Variants in YJEFN3 observed in about 807,000 individuals in gnomAD.
YJEFN3 encodes the protein yjeF N-terminal domain-containing protein 3.
In YJEFN3, 29 loss-of-function variants were observed where a neutral mutation model predicts 31.5. The observed-to-expected ratio is 0.92, with a 90% CI of 0.69 to 1.26. The LOEUF is 1.26. YJEFN3 is among the 50% of genes most tolerant of loss of function. YJEFN3 has a pLI of 0.00. For missense variants in YJEFN3, 442 were observed against 425.4 expected (o/e 1.04, Z -0.34); for synonymous variants, 227 against 196.1 (o/e 1.16, Z -1.32).
At chr19:19,537,252 G>T in intron 6 of YJEFN3, 67 bp from the exon 7 acceptor site, 1 of 1,421,094 alleles carries the variant, frequency 7.0e-7, no homozygotes, top group Middle Eastern at 1.8e-4. Flanking sequence ...GCAGGGACAG[G>T]ATGGACTCTA....
chr19:19,531,580 C>T lies in YJEFN3; in HGVS notation c.210-1052C>T, dbSNP rs140829036. ...ACAGGTGTCCACCACCACGCCCAGC[C>T]TAGTCTGACCAATTGTGTAGGTCAC... On this transcript the variant is annotated intron_variant, in intron 2 of 6. Coordinates refer to ENST00000514277, the MANE Select transcript of YJEFN3 (RefSeq NM_198537.4). Among the ~76,000 whole-genome samples the T allele has an allele frequency of 1.1e-3, 165 of 152,186 alleles. 1 individual carries two copies. The highest frequency in any genetic ancestry group is 3.7e-3 in the African/African-American group (153 of 41,512).
chr19:19,535,369 C>A lies in YJEFN3; in HGVS notation c.462C>A (p.Arg154=), dbSNP rs778164317. The A allele has an allele frequency of 9.3e-6, 15 of 1,613,906 alleles. No homozygotes were observed. ...AACCCACCATCTTCTACCCCACACG[C>A]TCGCTGGACCTGCTGCATCGGGACC... The part of the protein sequence containing the change: ...EYEPTIFYPT[R]SLDLLHRDLT... The change falls in exon 5 of 7, where the codon CGC becomes CGA. Residue 154 remains arginine, a synonymous_variant. Coordinates refer to ENST00000514277, the MANE Select transcript of YJEFN3 (RefSeq NM_198537.4).
intron 1 of YJEFN3, 68 bp downstream of exon 1, chr19:19,529,059 C>T (rs1031647919): frequency 2.6e-6 from 4 of 1,538,494 alleles, no homozygotes; most frequent in East Asian, 2.5e-5. Flanking sequence ...CCCGTAGGAC[C>T]GGAGGCAGGG....
intron 2 of YJEFN3, among the ~76,000 whole-genome samples, chr19:19,530,086 G>C (rs1600357419): frequency 6.6e-6 from 1 of 152,192 alleles, no homozygotes; most frequent in African/African-American, 2.4e-5. Context: ...GTAGGACTGA[G>C]AGCAGGGTGA....
rs761792481 is a variant in YJEFN3, at chr19:19,535,292, G to T, written c.430-45G>T. On this transcript the variant is annotated intron_variant, in intron 4 of 6. Coordinates refer to ENST00000514277, the MANE Select transcript of YJEFN3 (RefSeq NM_198537.4). ...TTGTCCCAGGCAGGGTCTGGTGCTG[G>T]TGACCAGGTCAGGGGAGTCTGACCC... is the stretch of plus-strand genomic sequence containing the variant. 7.6e-6 allele frequency: 12 copies of T among 1,585,278 alleles called. No homozygotes were observed. The South Asian group carries it at 1.3e-4, about 18-fold the overall frequency.
intron 2 of YJEFN3, among the ~76,000 whole-genome samples, 182 bp from the exon 3 acceptor site, chr19:19,532,450 A>G (rs1271530615): frequency 6.6e-6 from 1 of 151,414 alleles, no homozygotes; most frequent in African/African-American, 2.4e-5. Flanking sequence ...CCTCGATTCA[A>G]CCCGCGCGTC....
In YJEFN3 at chr19:19,534,054, G is replaced by T; in HGVS notation, c.319-980G>T. On this transcript the variant is annotated intron_variant, in intron 3 of 6. Transcript: ENST00000514277. The surrounding 1 kb of genome is among the most constrained non-coding windows in gnomAD (Gnocchi z 4.6). Reference sequence around the variant, plus strand: ...GGCTCAAGAGACACCCAGAGTGCCTGTCAGGCGGTGGCACTGTCATCGCAT... The same window carrying T: ...GGCTCAAGAGACACCCAGAGTGCCTTTCAGGCGGTGGCACTGTCATCGCAT... 1.0e-6 allele frequency: 1 copy of T among 985,598 alleles called. No homozygotes were observed. Among genetic ancestry groups the T allele is most frequent in the Non-Finnish European group, 1.2e-6 (1 of 830,020 alleles). The allele number at this position is 985,598 out of a possible 1,614,324, so 61.1% of individuals were successfully genotyped here. A position where few individuals can be genotyped will look rare whatever the true frequency, so the allele number is the denominator to read the frequency against.
In YJEFN3 at chr19:19,537,312, C is replaced by G; in HGVS notation, c.695-7C>G. The G allele has an allele frequency of 6.3e-7, 1 of 1,583,160 alleles. No individual in the cohort carries two copies. Among genetic ancestry groups the G allele is most frequent in the Non-Finnish European group, 8.5e-7 (1 of 1,170,672 alleles). On this transcript the variant is annotated splice_polypyrimidine_tract_variant and splice_region_variant and intron_variant, in intron 6 of 6. Coordinates refer to ENST00000514277, the MANE Select transcript of YJEFN3 (RefSeq NM_198537.4). ...GTTCCCAATCCCCCCGGACCCTCCTCCCTCAGGCTGGGACGCAGAGACCGG... is the reference window on the plus strand; with the variant it reads ...GTTCCCAATCCCCCCGGACCCTCCTGCCTCAGGCTGGGACGCAGAGACCGG...
Position 19,532,689 on chromosome 19 carries a change from G to A in YJEFN3, c.267G>A (p.Arg89=), listed in dbSNP as rs868414164. ...RELLEDYRFG[R]QQLVELCGHA... ...TGCTGGAGGATTATCGCTTTGGGCG[G>A]CAGCAGCTCGTGGAGCTGTGCGGTC... The change falls in exon 3 of 7, where the codon CGG becomes CGA. Residue 89 remains arginine (R), a synonymous_variant. Coordinates refer to ENST00000514277, the MANE Select transcript of YJEFN3 (RefSeq NM_198537.4). The A allele has an allele frequency of 6.3e-7, 1 of 1,576,148 alleles. No individual in the cohort carries two copies. The highest frequency in any genetic ancestry group is 8.6e-7 in the Non-Finnish European group (1 of 1,167,142).
Position 19,534,069 on chromosome 19 carries a change from T to A in YJEFN3, c.319-965T>A. 2.0e-6 allele frequency: 2 copies of A among 985,588 alleles called. No homozygotes were observed. Among genetic ancestry groups the A allele is most frequent in the Non-Finnish European group, 2.4e-6 (2 of 830,008 alleles). The allele number at this position is 985,588 out of a possible 1,614,324, so 61.1% of individuals were successfully genotyped here. The stretch of plus-strand genomic sequence containing the variant: ...CAGAGTGCCTGTCAGGCGGTGGCAC[T>A]GTCATCGCATTTGATAAAGGCCAAA... On this transcript the variant is annotated intron_variant, in intron 3 of 6. Coordinates refer to ENST00000514277, the MANE Select transcript of YJEFN3 (RefSeq NM_198537.4). The surrounding 1 kb of genome is among the most constrained non-coding windows in gnomAD (Gnocchi z 4.6).
At chr19:19,529,290 G>T in intron 1 of YJEFN3, 74 bp from the exon 2 acceptor site, 1 of 1,516,956 alleles carries the variant, frequency 6.6e-7, no homozygotes, top group South Asian at 1.3e-5. Context: ...CCTCATGAAT[G>T]ATTCATCAGC....
intron 2 of YJEFN3, among the ~76,000 whole-genome samples, chr19:19,531,584 T>C (rs2061156401): frequency 1.3e-5 from 2 of 152,064 alleles, no homozygotes; most frequent in African/African-American, 4.8e-5. Flanking sequence ...CCCAGCCTAG[T>C]CTGACCAATT....
chr19:19,535,713 G>A (rs1254078757), intron 6 of YJEFN3, 34 bp downstream of exon 6: 1 of 1,541,524 alleles, frequency 6.5e-7, no homozygotes, highest in Admixed American at 2.0e-5. Context: ...ATTGGGGCCT[G>A]GGGGGCTTGG....
At chr19:19,535,214 A>G (rs1193497958) in intron 4 of YJEFN3, 70 bp downstream of exon 4, 1 of 1,519,542 alleles carries the variant, frequency 6.6e-7, no homozygotes, top group Admixed American at 1.8e-5. Flanking sequence ...TTCTTTTGAT[A>G]GCTTCCCAGG....
Position 19,537,373 on chromosome 19 carries a change from T to G in YJEFN3, c.749T>G (p.Leu250Arg), listed in dbSNP as rs780814879. ...GAGGACGGGCTGCGGCCTGACGTGC[T>G]GGTGTCTCTCGCGGCGCCCAAGCGC... ...DSEDGLRPDV[L>R]VSLAAPKRCA... Residue 250 changes from leucine (L) to arginine (R), a missense_variant, in exon 7 of 7, where the codon CTG becomes CGG. Leu to Arg is a moderately radical substitution (Grantham distance 102). Transcript: ENST00000514277. The G allele has an allele frequency of 4.4e-6, 7 of 1,596,152 alleles. No homozygotes were observed. The Admixed American group carries it at 1.2e-4, about 27-fold the overall frequency.
At chr19:19,529,281 C>G in intron 1 of YJEFN3, 83 bp from the exon 2 acceptor site, 1 of 1,506,272 alleles carries the variant, frequency 6.6e-7, no homozygotes, top group Non-Finnish European at 8.8e-7. Flanking sequence ...CAGCCCGCCC[C>G]TCATGAATGA....
chr19:19,537,516 G>A lies in YJEFN3; in HGVS notation c.892G>A (p.Ala298Thr). 1 of 1,559,306 alleles carries A rather than the reference G, an allele frequency of 6.4e-7. No homozygotes were observed. Among genetic ancestry groups the A allele is most frequent in the Non-Finnish European group, 8.7e-7 (1 of 1,154,508 alleles). Residue 298 changes from alanine (A) to threonine (T), a missense_variant, in exon 7 of 7, where the codon GCA (alanine) becomes ACA (threonine). By Grantham distance (58) the Ala-to-Thr change is moderately conservative. Transcript: ENST00000514277. ...ATACACGGGCACCGACTGCGTCGCG[G>A]CACTGTGACCGCCACCCGCGGCCAC... ...PGYTGTDCVA[A>T]L
chr19:19,535,989 C>T (rs891606871), intron 6 of YJEFN3: 3 of 559,440 alleles, frequency 5.4e-6, no homozygotes, highest in South Asian at 2.2e-5. Context: ...CCCTGGCTGC[C>T]GCCCCATGCC....
rs865847258 is a variant in YJEFN3, at chr19:19,532,710, C to T, written c.288C>T (p.Cys96=). Residue 96 remains cysteine (C), a synonymous_variant, in exon 3 of 7, where the codon TGC becomes TGT. Transcript: ENST00000514277. ...GGCGGCAGCAGCTCGTGGAGCTGTGCGGTCATGCTAGTGCCGTGGCTGTGA... is the reference window on the plus strand; with the variant it reads ...GGCGGCAGCAGCTCGTGGAGCTGTGTGGTCATGCTAGTGCCGTGGCTGTGA... ...RFGRQQLVEL[C]GHASAVAVTK... is the part of the protein sequence containing the mutation. 8 of 1,574,340 alleles carry T rather than the reference C, an allele frequency of 5.1e-6. No homozygotes were observed. Among genetic ancestry groups the T allele is most frequent in the Non-Finnish European group, 6.0e-6 (7 of 1,165,996 alleles).
Sources: gnomAD v4.1 joint callset for allele counts (sites outside exome capture counted in the v4.1 genomes callset) on GRCh38, gnomAD v4.1.1 for gene constraint, Gnocchi (gnomAD v3.1) non-coding constraint, MANE v1.5 for transcripts, NCBI Gene and HGNC (gene_info 2026-07-23, HGNC 2026-07-21) for gene names.